DNAH14: variants seen among roughly 807,000 people sequenced by gnomAD.
DNAH14 encodes the protein axonemal beta dynein heavy chain 14.
In DNAH14, 478 loss-of-function variants were observed where a neutral mutation model predicts 520.9. The observed-to-expected ratio is 0.92, with a 90% CI of 0.85 to 0.99. The LOEUF (loss-of-function observed/expected upper bound fraction) is 0.99, where lower values mean the gene tolerates loss of function less well. Among genes scored for constraint, DNAH14 ranks in the 50% least tolerant of loss-of-function variants. The pLI, the probability that DNAH14 is intolerant of heterozygous loss-of-function variation, is 0.00. For synonymous variants in DNAH14, 1,581 were observed against 1,757.2 expected, an observed-to-expected ratio of 0.90 and a Z score of 2.51; for missense variants, 4,831 against 5,234.5, an observed-to-expected ratio of 0.92 and a Z score of 2.38.
chr1:224,944,772 G>A (rs936110924), intron 1 of DNAH14, among the ~76,000 whole-genome samples: 1 of 152,128 alleles, frequency 6.6e-6, no homozygotes, highest in Admixed American at 6.5e-5. Context: ...GGCTGGATAT[G>A]AAATTCTGGG....
chr1:224,979,826 A>G (rs2062133684), intron 8 of DNAH14, among the ~76,000 whole-genome samples: 1 of 152,204 alleles, frequency 6.6e-6, no homozygotes, highest in African/African-American at 2.4e-5. Flanking sequence ...AGAGGGTACC[A>G]GGCAGAGTCA....
chr1:225,082,799 T>A, intron 20 of DNAH14, 60 bp downstream of exon 20: 1 of 1,366,746 alleles, frequency 7.3e-7, no homozygotes, highest in Non-Finnish European at 1.0e-6. Context: ...CAATTTTAAA[T>A]AGGCGAGTAA....
chr1:225,078,076 A>G (rs2072514796), intron 17 of DNAH14, among the ~76,000 whole-genome samples: 1 of 152,216 alleles, frequency 6.6e-6, no homozygotes, highest in African/African-American at 2.4e-5. Context: ...TAGTTCCAGC[A>G]CAGAAATGCA....
intron 41 of DNAH14, among the ~76,000 whole-genome samples, chr1:225,220,906 C>T (rs950191562): frequency 6.6e-6 from 1 of 152,172 alleles, no homozygotes; most frequent in South Asian, 2.1e-4. Context: ...TCAAACTGTA[C>T]TACAAGGCTT....
At chr1:225,147,081 C>G in intron 30 of DNAH14, 23 bp from the exon 31 acceptor site, 1 of 1,453,648 alleles carries the variant, frequency 6.9e-7, no homozygotes, top group South Asian at 1.4e-5. Flanking sequence ...TTTTAGTAAT[C>G]AATCTCTTTT....
intron 8 of DNAH14, among the ~76,000 whole-genome samples, chr1:224,994,447 A>C (rs1336861961): frequency 2.0e-5 from 3 of 151,808 alleles, no homozygotes; most frequent in Non-Finnish European, 4.4e-5. Flanking sequence ...CTATTTTTAT[A>C]GTTTTTGACT....
intron 17 of DNAH14, among the ~76,000 whole-genome samples, chr1:225,062,489 A>G (rs914473555): frequency 6.6e-6 from 1 of 152,160 alleles, no homozygotes; most frequent in Non-Finnish European, 1.5e-5. Flanking sequence ...ACTGGCCTCA[A>G]TAAGTTGAGG....
At position 225,160,259 on chromosome 1, in the gene DNAH14, G is replaced by A. The variant is rs146464815; in HGVS notation, c.5445+774G>A. ...TGACTTTTCCAGGATTTTATCAGGT[G>A]TCAGGCCATTAAACATGTTGATTCC... On this transcript the variant is annotated intron_variant, in intron 35 of 85. Transcript: ENST00000682510. 3.5e-3 allele frequency among the ~76,000 whole-genome samples: 534 copies of A among 152,152 alleles called. 3 individuals are homozygous for A. Among genetic ancestry groups the A allele is most frequent in the African/African-American group, 0.012 (517 of 41,490 alleles).
chr1:225,061,406 G>A (rs534180619), intron 17 of DNAH14, among the ~76,000 whole-genome samples: 188 of 152,306 alleles, frequency 1.2e-3, no homozygotes, highest in African/African-American at 3.5e-3. Context: ...TCCAGGTGCC[G>A]TGTGTCACCC....
intron 8 of DNAH14, among the ~76,000 whole-genome samples, chr1:224,999,188 ATTTTTTTGTTTG>A (rs2063586732): frequency 1.3e-5 from 2 of 151,504 alleles, no homozygotes; most frequent in South Asian, 4.2e-4. Flanking sequence ...TGTGCCATGG[ATTTTTTTGTTTG>A]TTTTTTTGTT....
At chr1:224,983,928 G>A (rs918466684) in intron 8 of DNAH14, among the ~76,000 whole-genome samples, 8 of 152,240 alleles carry the variant, frequency 5.3e-5, no homozygotes, top group African/African-American at 1.9e-4. Context: ...CCATGCTCAT[G>A]GATGAGTAGA....
At chr1:225,236,770 A>G (rs2091618696) in intron 42 of DNAH14, among the ~76,000 whole-genome samples, 1 of 152,102 alleles carries the variant, frequency 6.6e-6, no homozygotes, top group Non-Finnish European at 1.5e-5. Flanking sequence ...CAGCATGGTC[A>G]TTTTCACAAT....
At chr1:225,086,179 C>T (rs1426918942) in intron 21 of DNAH14, among the ~76,000 whole-genome samples, 2 of 151,890 alleles carry the variant, frequency 1.3e-5, no homozygotes, top group East Asian at 3.9e-4. Context: ...GTCACCCAGG[C>T]TGGAGTGCAG....
intron 41 of DNAH14, among the ~76,000 whole-genome samples, chr1:225,210,061 G>A (rs897222826): frequency 4.6e-5 from 7 of 152,114 alleles, no homozygotes; most frequent in Admixed American, 2.0e-4. Context: ...TTTCAAGCAC[G>A]AAACTGGGTG....
chr1:225,027,576 G>A (rs1024791111), intron 11 of DNAH14, among the ~76,000 whole-genome samples: 3 of 152,110 alleles, frequency 2.0e-5, no homozygotes, highest in African/African-American at 7.2e-5. Flanking sequence ...AATGGCAGAA[G>A]GTGAAGAGGG....
intron 60 of DNAH14, among the ~76,000 whole-genome samples, chr1:225,311,005 T>A (rs767853203): frequency 7.2e-5 from 11 of 152,178 alleles, no homozygotes; most frequent in Non-Finnish European, 1.3e-4. Flanking sequence ...TGGTTCTAGA[T>A]CCTTAAGGAA....
At chr1:225,313,719 A>C (rs2094415001) in intron 60 of DNAH14, among the ~76,000 whole-genome samples, 1 of 152,126 alleles carries the variant, frequency 6.6e-6, no homozygotes, top group Admixed American at 6.6e-5. Flanking sequence ...ATTCAGGAGC[A>C]GGTTGTTCAG....
chr1:225,331,712 A>G, intron 65 of DNAH14, 135 bp downstream of exon 65: 1 of 1,201,218 alleles, frequency 8.3e-7, no homozygotes, highest in Non-Finnish European at 1.2e-6. Context: ...TATTGGGATC[A>G]GTAGACATCC....
chr1:225,330,996 T>C (rs1251699194), intron 64 of DNAH14, among the ~76,000 whole-genome samples: 1 of 152,160 alleles, frequency 6.6e-6, no homozygotes, highest in East Asian at 1.9e-4. Context: ...AAATATGTTT[T>C]CCACTAACAC....
Sources: allele counts gnomAD v4.1 joint callset (sites outside exome capture counted in the v4.1 genomes callset), GRCh38; gene constraint gnomAD v4.1.1; transcripts MANE v1.5; gene names NCBI Gene and HGNC (gene_info 2026-07-23, HGNC 2026-07-21).